RPS26: variants seen among roughly 807,000 people sequenced by gnomAD.
The protein encoded by RPS26 is ribosomal protein S26.
A neutral mutation model predicts 14.7 loss-of-function variants in RPS26; 1 was observed. That is an observed-to-expected ratio of 0.07 (90% CI 0.02 to 0.32). The LOEUF is 0.32. Among genes scored for constraint, RPS26 ranks in the 10% least tolerant of loss-of-function variants. The pLI is 1.00. For missense variants in RPS26, 63 were observed against 157.7 expected (o/e 0.40, Z 3.22); for synonymous variants, 59 against 53.1 (o/e 1.11, Z -0.48).
intron 2 of RPS26, 102 bp downstream of exon 2, chr12:56,042,704 C>G (rs1895905827): frequency 6.4e-6 from 6 of 935,138 alleles, no homozygotes; most frequent in Non-Finnish European, 1.0e-5. Flanking sequence ...GCCTCTCAGG[C>G]AATTTCCACG....
rs139056836 is a variant in RPS26 at position 56,043,451 on chromosome 12, A to G, written c.270A>G (p.Glu90=). 72 of 1,613,492 alleles carry G rather than the reference A, an allele frequency of 4.5e-5. No homozygotes were observed. The highest frequency in any genetic ancestry group is 6.0e-5 in the Non-Finnish European group (71 of 1,179,858). ...HSKVVRNRSR[E]ARKDRTPPPR... is the part of the protein sequence containing the mutation. ...AAGTAGTCAGGAATCGATCTCGTGA[A>G]GCCCGCAAGGACCGAACACCCCCAC... Residue 90 remains glutamate (E), a synonymous_variant, in exon 3 of 4, where the codon GAA becomes GAG. Transcript: ENST00000646449.
At chr12:56,043,163 C>A (rs1010946901) in intron 2 of RPS26, 200 bp from the exon 3 acceptor site, 2 of 559,474 alleles carry the variant, frequency 3.6e-6, no homozygotes, top group African/African-American at 3.8e-5. Flanking sequence ...GATGTTAATT[C>A]ACTTGTAAAA....
In RPS26 at chr12:56,043,523, A is replaced by G. The variant is rs745337927; in HGVS notation, c.312+30A>G. The G allele has an allele frequency of 2.5e-6, 4 of 1,613,212 alleles. No individual in the cohort carries two copies. The Admixed American group carries it at 5.0e-5, about 20-fold the overall frequency. ...GTATTTTAAAAGGAGAATGGAAGCC[A>G]GGGGAGTGATGGTTAAAATTTCATC... is the stretch of plus-strand genomic sequence containing the variant. On this transcript the variant is annotated intron_variant, in intron 3 of 3. Coordinates refer to ENST00000646449, the MANE Select transcript of RPS26 (RefSeq NM_001029.5).
chr12:56,042,011 C>A lies in RPS26; in HGVS notation c.-156C>A. 1 of 789,548 alleles carries A rather than the reference C, an allele frequency of 1.3e-6. No homozygotes were observed. Among genetic ancestry groups the A allele is most frequent in the South Asian group, 1.4e-5 (1 of 69,818 alleles). The allele number at this position is 789,548 out of a possible 1,614,324, so 48.9% of individuals were successfully genotyped here. Reference sequence around the variant, plus strand: ...AACGCATTTCCACCCTAGATTTCAGCAGAAATGCTGAATGTAAAGGAATAT... The same window carrying A: ...AACGCATTTCCACCCTAGATTTCAGAAGAAATGCTGAATGTAAAGGAATAT... On this transcript the variant is annotated 5_prime_UTR_variant, in exon 1 of 4. Coordinates refer to ENST00000646449, the MANE Select transcript of RPS26 (RefSeq NM_001029.5).
intron 2 of RPS26, chr12:56,043,126 T>C (rs1303342650): frequency 2.0e-6 from 1 of 499,756 alleles, no homozygotes; most frequent in African/African-American, 1.9e-5. Flanking sequence ...AGTCTGGTCC[T>C]TGCGGTGTCA....
intron 3 of RPS26, 114 bp from the exon 4 acceptor site, chr12:56,044,005 G>C (rs1895929918): frequency 1.1e-6 from 1 of 897,144 alleles, no homozygotes; most frequent in Non-Finnish European, 1.9e-6. Flanking sequence ...AGCTTCCCAT[G>C]CATTTGTAGC....
In RPS26 at chr12:56,042,492, C is replaced by T; in HGVS notation, c.71C>T (p.Thr24Ile). The T allele has an allele frequency of 6.2e-7, 1 of 1,608,368 alleles. No homozygotes were observed. The highest frequency in any genetic ancestry group is 8.5e-7 in the Non-Finnish European group (1 of 1,177,164). The stretch of plus-strand genomic sequence containing the variant: ...GGCCACGTGCAGCCTATTCGCTGCA[C>T]TAACTGTGCCCGATGCGTGCCCAAG... Reference protein sequence around the residue: ...GRGHVQPIRCTNCARCVPKDK... With the variant: ...GRGHVQPIRCINCARCVPKDK... The change falls in exon 2 of 4, where the codon ACT (threonine) becomes ATT (isoleucine). Residue 24 changes from threonine (T) to isoleucine (I), a missense_variant. Thr to Ile is a moderately conservative substitution (Grantham distance 89). Transcript: ENST00000646449.
intron 3 of RPS26, 29 bp downstream of exon 3, chr12:56,043,522 C>A: frequency 6.2e-7 from 1 of 1,613,122 alleles, no homozygotes; most frequent in Non-Finnish European, 8.5e-7. Flanking sequence ...GAATGGAAGC[C>A]AGGGGAGTGA....
chr12:56,042,387 T>G (rs766997248), intron 1 of RPS26, 38 bp from the exon 2 acceptor site: 2 of 1,608,274 alleles, frequency 1.2e-6, no homozygotes, highest in Admixed American at 3.3e-5. Context: ...CTGGGTGAGT[T>G]GCGCCGTTTT....
At chr12:56,043,866 CTG>C (rs1317739895) in intron 3 of RPS26, among the ~76,000 whole-genome samples, 1 of 151,530 alleles carries the variant, frequency 6.6e-6, no homozygotes, top group African/African-American at 2.4e-5. Context: ...AAATTAAGGT[CTG>C]TGCCTCAGGT....
In RPS26 at chr12:56,043,352, C is replaced by T; in HGVS notation, c.182-11C>T. 1 of 1,610,740 alleles carries T rather than the reference C, an allele frequency of 6.2e-7. No homozygotes were observed. The highest frequency in any genetic ancestry group is 8.5e-7 in the Non-Finnish European group (1 of 1,178,770). ...TATAATACCAGTATAACTCTATTTT[C>T]TATTCCTTAGCCTATGTGCTTCCCA... On this transcript the variant is annotated splice_polypyrimidine_tract_variant and intron_variant, in intron 2 of 3. Transcript: ENST00000646449.
chr12:56,042,099 A>G lies in RPS26; in HGVS notation c.-68A>G. ...CTAAGGATTCTCCCGGTGTCCGCGT[A>G]GGGATCTCATGCTATATAGGAGGGC... On this transcript the variant is annotated 5_prime_UTR_variant, in exon 1 of 4. Coordinates refer to ENST00000646449, the MANE Select transcript of RPS26 (RefSeq NM_001029.5). The G allele has an allele frequency of 6.5e-7, 1 of 1,530,118 alleles. No homozygotes were observed. The highest frequency in any genetic ancestry group is 9.1e-7 in the Non-Finnish European group (1 of 1,103,276). 94.8% of individuals were successfully genotyped at this position (1,530,118 alleles called of 1,614,324 possible).
chr12:56,043,248 C>G, intron 2 of RPS26, 115 bp from the exon 3 acceptor site: 1 of 1,027,232 alleles, frequency 9.7e-7, no homozygotes, highest in South Asian at 1.3e-5. Flanking sequence ...GCCCGACAGG[C>G]ATTTAAATAG....
At position 56,042,150 on chromosome 12, in the gene RPS26, C is replaced by G. The variant is rs1352530254; in HGVS notation, c.-17C>G. 1 of 1,613,992 alleles carries G rather than the reference C, an allele frequency of 6.2e-7. No individual in the cohort carries two copies. The highest frequency in any genetic ancestry group is 8.5e-7 in the Non-Finnish European group (1 of 1,179,882). ...CCTGCCAGGCACCGTCTCCTCTCTC[C>G]GGTCCGTGCCTCCAAGATGGTGAGT... On this transcript the variant is annotated 5_prime_UTR_variant, in exon 1 of 4. Transcript: ENST00000646449.
In RPS26 at chr12:56,043,445, T is replaced by C; in HGVS notation, c.264T>C (p.Ser88=). The C allele has an allele frequency of 6.2e-7, 1 of 1,613,432 alleles. No homozygotes were observed. The highest frequency in any genetic ancestry group is 8.5e-7 in the Non-Finnish European group (1 of 1,179,780). The change falls in exon 3 of 4, where the codon TCT becomes TCC. Residue 88 remains serine, a synonymous_variant. Coordinates refer to ENST00000646449, the MANE Select transcript of RPS26 (RefSeq NM_001029.5). ...ACAGCAAAGTAGTCAGGAATCGATCTCGTGAAGCCCGCAAGGACCGAACAC... is the reference window on the plus strand; with the variant it reads ...ACAGCAAAGTAGTCAGGAATCGATCCCGTGAAGCCCGCAAGGACCGAACAC... ...AIHSKVVRNR[S]REARKDRTPP...
In RPS26 at chr12:56,042,094, C is replaced by T; in HGVS notation, c.-73C>T. 2 of 1,502,412 alleles carry T rather than the reference C, an allele frequency of 1.3e-6. No individual in the cohort carries two copies. Among genetic ancestry groups the T allele is most frequent in the Non-Finnish European group, 9.3e-7 (1 of 1,077,982 alleles). The allele number at this position is 1,502,412 out of a possible 1,614,324, so 93.1% of individuals were successfully genotyped here. ...GTCTCCTAAGGATTCTCCCGGTGTCCGCGTAGGGATCTCATGCTATATAGG... is the reference window on the plus strand; with the variant it reads ...GTCTCCTAAGGATTCTCCCGGTGTCTGCGTAGGGATCTCATGCTATATAGG... On this transcript the variant is annotated 5_prime_UTR_variant, in exon 1 of 4. Transcript: ENST00000646449.
Position 56,042,133 on chromosome 12 carries a change from G to A in RPS26, c.-34G>A, listed in dbSNP as rs755967083. ...ATGCTATATAGGAGGGCCCTGCCAG[G>A]CACCGTCTCCTCTCTCCGGTCCGTG... is the stretch of plus-strand genomic sequence containing the variant. On this transcript the variant is annotated 5_prime_UTR_variant, in exon 1 of 4. Transcript: ENST00000646449. 35 of 1,613,350 alleles carry A rather than the reference G, an allele frequency of 2.2e-5. No homozygotes were observed. Among genetic ancestry groups the A allele is most frequent in the African/African-American group, 8.0e-5 (6 of 74,904 alleles).
chr12:56,043,315 G>T (rs1895915893), intron 2 of RPS26, 48 bp from the exon 3 acceptor site: 1 of 1,585,346 alleles, frequency 6.3e-7, no homozygotes, highest in Non-Finnish European at 8.6e-7. Context: ...TAACAAAAAA[G>T]CAAGGTAGGT....
chr12:56,043,225 G>A, intron 2 of RPS26, 138 bp from the exon 3 acceptor site: 1 of 780,858 alleles, frequency 1.3e-6, no homozygotes. Flanking sequence ...GTGCTTTGGG[G>A]GTGCTTTTAT....
Sources: allele counts gnomAD v4.1 joint callset (sites outside exome capture counted in the v4.1 genomes callset), GRCh38; gene constraint gnomAD v4.1.1; transcripts MANE v1.5; gene names NCBI Gene and HGNC (gene_info 2026-07-23, HGNC 2026-07-21).